FAF1: variants seen among roughly 807,000 people sequenced by gnomAD.
FAF1 encodes the protein Fas associated factor 1.
FAF1 carries 25 observed loss-of-function variants against 92.5 expected under a neutral mutation model. The observed-to-expected ratio is 0.27, with a 90% CI of 0.20 to 0.38. FAF1 has a LOEUF of 0.38. FAF1 is among the 10% of genes least tolerant of loss of function. The probability of loss-of-function intolerance (pLI) is 1.00; values close to 1 mark genes in which losing one functional copy is unlikely to be tolerated. For missense variants in FAF1, 636 were observed against 793.3 expected (o/e 0.80, Z 2.38); for synonymous variants, 234 against 273.2 (o/e 0.86, Z 1.42).
Position 50,758,028 on chromosome 1 carries a change from G to A in FAF1, c.368-13253C>T, listed in dbSNP as rs1042274935. 1.2e-4 allele frequency among the ~76,000 whole-genome samples: 18 copies of A among 151,986 alleles called. No individual in the cohort carries two copies. In the South Asian group the frequency reaches 1.5e-3, roughly 12 times the overall value. On this transcript the variant is annotated intron_variant, in intron 4 of 18. Coordinates refer to ENST00000396153, the MANE Select transcript of FAF1 (RefSeq NM_007051.3). ...TGCCTCTGACATTCAACTGATTCTC[G>A]TGCCTCAGCCTCCCGAGTAGCTGAA...
chr1:50,954,966 C>T (rs942254518), intron 1 of FAF1, among the ~76,000 whole-genome samples: 1 of 152,156 alleles, frequency 6.6e-6, no homozygotes, highest in African/African-American at 2.4e-5. Context: ...CACTCCATTG[C>T]ACTCCAGCCT....
chr1:50,829,117 T>C (rs189908488), intron 2 of FAF1, among the ~76,000 whole-genome samples: 37 of 152,170 alleles, frequency 2.4e-4, no homozygotes, highest in African/African-American at 8.0e-4. Flanking sequence ...GGCTGACAGG[T>C]AGTGAGTGGC....
At chr1:50,842,292 T>A (rs1644262335) in intron 2 of FAF1, among the ~76,000 whole-genome samples, 1 of 152,034 alleles carries the variant, frequency 6.6e-6, no homozygotes, top group Non-Finnish European at 1.5e-5. Flanking sequence ...GGTAGGTAGA[T>A]ACCAAGAAAA....
At chr1:50,797,660 G>A (rs1661813735) in intron 3 of FAF1, among the ~76,000 whole-genome samples, 3 of 152,002 alleles carry the variant, frequency 2.0e-5, no homozygotes, top group African/African-American at 7.3e-5. Flanking sequence ...GATTGTGCCT[G>A]GGCTACAGAG....
intron 8 of FAF1, among the ~76,000 whole-genome samples, chr1:50,616,050 G>A (rs534988255): frequency 6.6e-6 from 1 of 152,202 alleles, no homozygotes; most frequent in East Asian, 1.9e-4. Context: ...AATTTAAGGT[G>A]CCTAGTTCCA....
chr1:50,693,946 A>G (rs1657054107), intron 7 of FAF1, among the ~76,000 whole-genome samples: 1 of 143,554 alleles, frequency 7.0e-6, no homozygotes, highest in East Asian at 1.9e-4. Context: ...GATATTTACT[A>G]TATTTCTGAT....
intron 15 of FAF1, among the ~76,000 whole-genome samples, chr1:50,514,641 C>T (rs1475276099): frequency 6.6e-6 from 1 of 152,154 alleles, no homozygotes; most frequent in African/African-American, 2.4e-5. Flanking sequence ...GATTGTCTTG[C>T]TTTGCTAGAA....
intron 1 of FAF1, among the ~76,000 whole-genome samples, chr1:50,912,078 A>C (rs899288390): frequency 3.9e-5 from 6 of 152,072 alleles, no homozygotes; most frequent in Non-Finnish European, 7.4e-5. Flanking sequence ...CCTGACGCAC[A>C]ACGAAGCACA....
chr1:50,471,983 G>T (rs1447747750), intron 18 of FAF1, among the ~76,000 whole-genome samples: 1 of 152,104 alleles, frequency 6.6e-6, no homozygotes, highest in Non-Finnish European at 1.5e-5. Flanking sequence ...AAGGAAAGAG[G>T]AGAGAAAACG....
At chr1:50,555,261 A>ACC (rs1649515863) in intron 13 of FAF1, among the ~76,000 whole-genome samples, 2 of 149,686 alleles carry the variant, frequency 1.3e-5, no homozygotes, top group East Asian at 3.9e-4. Context: ...ACACACACAC[A>ACC]CACCCCAGGA....
chr1:50,884,229 T>C (rs1450811524), intron 1 of FAF1, among the ~76,000 whole-genome samples: 1 of 148,042 alleles, frequency 6.8e-6, no homozygotes, highest in East Asian at 2.0e-4. Flanking sequence ...AATTCTTAAA[T>C]ATAGGCCAGG....
At chr1:50,498,939 T>C (rs1159865837) in intron 15 of FAF1, among the ~76,000 whole-genome samples, 2 of 152,012 alleles carry the variant, frequency 1.3e-5, no homozygotes, top group African/African-American at 2.4e-5. Flanking sequence ...ATGTTCATAG[T>C]AGCATTATTT....
intron 5 of FAF1, among the ~76,000 whole-genome samples, chr1:50,744,182 C>A (rs559355858): frequency 4.5e-4 from 69 of 152,284 alleles, no homozygotes; most frequent in African/African-American, 1.6e-3. Context: ...AAATATAATT[C>A]ATTCCATGCA....
chr1:50,645,023 A>G (rs1203197004), intron 8 of FAF1, among the ~76,000 whole-genome samples: 1 of 152,078 alleles, frequency 6.6e-6, no homozygotes, highest in East Asian at 1.9e-4. Flanking sequence ...CTTTTCTTTT[A>G]AACCCAAACT....
chr1:50,562,041 T>C (rs924177363), intron 13 of FAF1, among the ~76,000 whole-genome samples: 1 of 152,186 alleles, frequency 6.6e-6, no homozygotes, highest in East Asian at 1.9e-4. Context: ...AGAATATGCA[T>C]TTTAACCCTG....
At chr1:50,707,153 A>C (rs1557485624) in intron 6 of FAF1, among the ~76,000 whole-genome samples, 1 of 147,968 alleles carries the variant, frequency 6.8e-6, no homozygotes, top group Non-Finnish European at 1.5e-5. Context: ...CAGTGAGCTG[A>C]GATTGTGCCA....
intron 2 of FAF1, among the ~76,000 whole-genome samples, chr1:50,803,705 G>A (rs1389281799): frequency 6.6e-6 from 1 of 152,120 alleles, no homozygotes; most frequent in Admixed American, 6.5e-5. Context: ...GTAGCAAGAT[G>A]GGGAGGGGAT....
At chr1:50,886,179 T>C (rs1002525545) in intron 1 of FAF1, among the ~76,000 whole-genome samples, 1 of 152,204 alleles carries the variant, frequency 6.6e-6, no homozygotes, top group African/African-American at 2.4e-5. Flanking sequence ...CAGTGGTTTA[T>C]TTTACCCTCA....
intron 17 of FAF1, among the ~76,000 whole-genome samples, chr1:50,482,114 T>C (rs1472726205): frequency 6.6e-6 from 1 of 151,964 alleles, no homozygotes. Context: ...CAAAGAAGAG[T>C]TCTATTACCT....
Sources: allele counts gnomAD v4.1 joint callset (sites outside exome capture counted in the v4.1 genomes callset), GRCh38; gene constraint gnomAD v4.1.1; transcripts MANE v1.5; gene names NCBI Gene and HGNC (gene_info 2026-07-23, HGNC 2026-07-21).